The following NSD2 variants were observed in gnomAD, a reference collection of about 807,000 sequenced individuals.
NSD2 encodes the protein histone-lysine N-methyltransferase NSD2.
A neutral mutation model predicts 139.0 loss-of-function variants in NSD2; 12 were observed. That is an observed-to-expected ratio of 0.09 (90% CI 0.06 to 0.14). The LOEUF (loss-of-function observed/expected upper bound fraction) is 0.14, where lower values mean the gene tolerates loss of function less well. NSD2 is among the 10% of genes least tolerant of loss of function. The pLI, the probability that NSD2 is intolerant of heterozygous loss-of-function variation, is 1.00. For missense variants in NSD2, 1,155 were observed against 1,745.0 expected, an observed-to-expected ratio of 0.66 and a Z score of 6.02; for synonymous variants, 669 against 648.7, an observed-to-expected ratio of 1.03 and a Z score of -0.48.
Position 1,951,099 on chromosome 4 carries a change from T to G in NSD2, c.1909T>G (p.Ser637Ala), listed in dbSNP as rs781198289. 2.5e-6 allele frequency: 4 copies of G among 1,614,164 alleles called. No individual in the cohort carries two copies. The highest frequency in any genetic ancestry group is 3.4e-6 in the Non-Finnish European group (4 of 1,180,016). The stretch of plus-strand genomic sequence containing the variant: ...CTCGGACAGCCCGGGAGACGAGCCC[T>G]CGGAGTCCCCATACGAAAGTGCAGA... Reference protein sequence around the residue: ...EVSDSPGDEPSESPYESADET... With the variant: ...EVSDSPGDEPAESPYESADET... Residue 637 changes from serine to alanine, a missense_variant, in exon 10 of 22, where the codon TCG becomes GCG. Ser to Ala is a moderately conservative substitution (Grantham distance 99, BLOSUM62 1). Transcript: ENST00000508803.
At chr4:1,932,068 TC>T (rs976289847) in intron 6 of NSD2, among the ~76,000 whole-genome samples, 5 of 152,178 alleles carry the variant, frequency 3.3e-5, no homozygotes, top group Non-Finnish European at 5.9e-5. Flanking sequence ...ATCCTGACTT[TC>T]AGGTGACCCT....
rs563696275 is a variant in NSD2 at position 1,976,875 on chromosome 4, G to A, written c.3826+196G>A. ...GCCGCACATTCTAGATCTCTGCATC[G>A]AGCAGAGAAGATATGTGGTGACGGG... On this transcript the variant is annotated intron_variant, in intron 21 of 21. Coordinates refer to ENST00000508803, the MANE Select transcript of NSD2 (RefSeq NM_001042424.3). This position sits in a 1 kb window ranked among gnomAD's most constrained non-coding sequence, Gnocchi z 5.3. Among the ~76,000 whole-genome samples the A allele has an allele frequency of 6.6e-6, 1 of 152,366 alleles. No individual in the cohort carries two copies. Among genetic ancestry groups the A allele is most frequent in the Non-Finnish European group, 1.5e-5 (1 of 68,038 alleles).
In NSD2 at chr4:1,942,272, T is replaced by G. The variant is rs1461668086; in HGVS notation, c.1881+2494T>G. The G allele has an allele frequency of 1.3e-6, 2 of 1,593,900 alleles. No homozygotes were observed. Among genetic ancestry groups the G allele is most frequent in the African/African-American group, 2.7e-5 (2 of 73,832 alleles). On this transcript the variant is annotated intron_variant, in intron 9 of 21. Transcript: ENST00000508803. The surrounding 1 kb of genome is among the most constrained non-coding windows in gnomAD (Gnocchi z 4.0). ...AAGGAATTAATGTGATTTAAGTGTT[T>G]TGTAACTTCATTTTTTATTCCTTTA... is the stretch of plus-strand genomic sequence containing the variant.
At chr4:1,934,955 T>C (rs1343359243) in intron 6 of NSD2, among the ~76,000 whole-genome samples, 189 bp from the exon 7 acceptor site, 2 of 140,338 alleles carry the variant, frequency 1.4e-5, no homozygotes, top group South Asian at 2.3e-4. Flanking sequence ...AGGTTAGATA[T>C]AGTCACCAGT....
In NSD2 at chr4:1,871,970, C is replaced by A. The variant is rs1215502492; in HGVS notation, c.-30+428C>A. 4.0e-5 allele frequency among the ~76,000 whole-genome samples: 6 copies of A among 149,078 alleles called. No homozygotes were observed. In the East Asian group the frequency reaches 5.9e-4, roughly 15 times the overall value. On this transcript the variant is annotated intron_variant, in intron 1 of 21. Transcript: ENST00000508803. ...GCGGCCGCCTTTGTTCCCGCGGCGCCGAGCGGGTCGGGCCGGCCTTTGTGC... is the reference window on the plus strand; with the variant it reads ...GCGGCCGCCTTTGTTCCCGCGGCGCAGAGCGGGTCGGGCCGGCCTTTGTGC...
rs1038113796 is a variant in NSD2 at position 1,948,849 on chromosome 4, C to A, written c.1882-2223C>A. 24 of 989,910 alleles carry A rather than the reference C, an allele frequency of 2.4e-5. No homozygotes were observed. Among genetic ancestry groups the A allele is most frequent in the Non-Finnish European group, 2.6e-5 (21 of 823,004 alleles). The allele number at this position is 989,910 out of a possible 1,614,324, so 61.3% of individuals were successfully genotyped here. On this transcript the variant is annotated intron_variant, in intron 9 of 21. Transcript: ENST00000508803. This position sits in a 1 kb window ranked among gnomAD's most constrained non-coding sequence, Gnocchi z 4.5. ...GGACTGCTTTGTGTTTTCTGTCTTT[C>A]TCTCCATGCATTTTTTTTCTCATTT...
In NSD2 at chr4:1,951,078, G is replaced by T. The variant is rs1724174611; in HGVS notation, c.1888G>T (p.Asp630Tyr). The change falls in exon 10 of 22, where the codon GAC becomes TAC. Residue 630 changes from aspartate (D) to tyrosine (Y), a missense_variant. Around this residue, in one of 8 missense-constraint regions of NSD2, gnomAD observed 420 missense variants for 469.0 expected, o/e 0.90. Transcript: ENST00000508803. ...CCGCCTCCTTCATCTCTAGGTCTCGGACAGCCCGGGAGACGAGCCCTCGGA... is the reference window on the plus strand; with the variant it reads ...CCGCCTCCTTCATCTCTAGGTCTCGTACAGCCCGGGAGACGAGCCCTCGGA... ...SASLTENEVSDSPGDEPSESP... is the reference protein window; with the variant it reads ...SASLTENEVSYSPGDEPSESP... 2 of 1,613,998 alleles carry T rather than the reference G, an allele frequency of 1.2e-6. No individual in the cohort carries two copies. The highest frequency in any genetic ancestry group is 2.2e-5 in the South Asian group (2 of 91,086).
intron 18 of NSD2, among the ~76,000 whole-genome samples, chr4:1,966,323 G>A (rs573191011): frequency 6.0e-5 from 9 of 150,968 alleles, no homozygotes; most frequent in Admixed American, 4.0e-4. Flanking sequence ...TGTTGTAACC[G>A]TGGTTTATAA....
At chr4:1,882,435 C>T (rs1357682499) in intron 1 of NSD2, among the ~76,000 whole-genome samples, 3 of 152,108 alleles carry the variant, frequency 2.0e-5, no homozygotes, top group African/African-American at 4.8e-5. Context: ...GAGGCCGAGG[C>T]GGGTGGACAC....
Position 1,981,123 on chromosome 4 carries a change from A to C in NSD2, c.*2214A>C. 4.3e-6 allele frequency: 1 copy of C among 233,326 alleles called. No homozygotes were observed. The highest frequency in any genetic ancestry group is 6.0e-5 in the East Asian group (1 of 16,590). The allele number at this position is 233,326 out of a possible 1,614,324, so 14.5% of individuals were successfully genotyped here. On this transcript the variant is annotated 3_prime_UTR_variant, in exon 22 of 22. Transcript: ENST00000508803. ...ACAGTAGTGAAATCTTGTGATTTTT[A>C]ATCGCTTTGATAATACTTCCAAATT...
At chr4:1,937,679 C>T (rs940376826) in intron 7 of NSD2, among the ~76,000 whole-genome samples, 1 of 152,206 alleles carries the variant, frequency 6.6e-6, no homozygotes, top group Non-Finnish European at 1.5e-5. Context: ...GTCCATGATC[C>T]TCTGGATTCC....
At chr4:1,961,746 C>T (rs763045047) in intron 18 of NSD2, among the ~76,000 whole-genome samples, 2 of 152,194 alleles carry the variant, frequency 1.3e-5, no homozygotes, top group South Asian at 2.1e-4. Flanking sequence ...CAGGTGTTGC[C>T]GGGCCCTTCC....
At chr4:1,878,241 ATATATATATATTTTTTTTTTTTTTTTT>A (rs1339504615) in intron 1 of NSD2, among the ~76,000 whole-genome samples, 3 of 35,078 alleles carry the variant, frequency 8.6e-5, no homozygotes, top group African/African-American at 4.0e-4. Flanking sequence ...ATATATATAT[ATATATATATATTTTTTTTTTTTTTTTT>A]TTTTTTTTTT....
At chr4:1,872,467 C>A (rs1184273080) in intron 1 of NSD2, among the ~76,000 whole-genome samples, 1 of 152,124 alleles carries the variant, frequency 6.6e-6, no homozygotes, top group Non-Finnish European at 1.5e-5. Context: ...CAGCACGAAT[C>A]TTTCTGTGCC....
intron 6 of NSD2, among the ~76,000 whole-genome samples, chr4:1,933,630 G>A (rs906155195): frequency 2.0e-5 from 3 of 151,908 alleles, no homozygotes; most frequent in East Asian, 1.9e-4. Flanking sequence ...TCCTGACCTC[G>A]TGATCCACCC....
intron 1 of NSD2, among the ~76,000 whole-genome samples, chr4:1,896,438 A>G (rs894727584): frequency 6.6e-6 from 1 of 152,260 alleles, no homozygotes; most frequent in African/African-American, 2.4e-5. Flanking sequence ...GTGTGGTCAC[A>G]GCTCACTGCA....
chr4:1,956,192 C>A lies in NSD2; in HGVS notation c.2881+4C>A. On this transcript the variant is annotated splice_donor_region_variant and intron_variant, in intron 15 of 21. Coordinates refer to ENST00000508803, the MANE Select transcript of NSD2 (RefSeq NM_001042424.3). This position sits in a 1 kb window ranked among gnomAD's most constrained non-coding sequence, Gnocchi z 5.3. ...ATCGGAAGAGTCTTCAAAAACGGTA[C>A]GGAGATATTCAGATAGAGAGTGAGA... 1 of 1,589,060 alleles carries A rather than the reference C, an allele frequency of 6.3e-7. No homozygotes were observed. Among genetic ancestry groups the A allele is most frequent in the Middle Eastern group, 1.7e-4 (1 of 5,968 alleles).
In NSD2 at chr4:1,953,303, CCTT is replaced by C; in HGVS notation, c.2138-17_2138-15del. The C allele has an allele frequency of 1.9e-6, 3 of 1,614,196 alleles. No individual in the cohort carries two copies. Among genetic ancestry groups the C allele is most frequent in the Non-Finnish European group, 2.5e-6 (3 of 1,180,044 alleles). ...TGTTCTTTGCACCTCTCTCTCCACC[CCTT>C]CTTTAACTTTTTGTTAGGGATTCAC... On this transcript the variant is annotated intron_variant, in intron 11 of 21. Coordinates refer to ENST00000508803, the MANE Select transcript of NSD2 (RefSeq NM_001042424.3).
At chr4:1,883,849 C>T (rs1200266119) in intron 1 of NSD2, among the ~76,000 whole-genome samples, 6 of 152,182 alleles carry the variant, frequency 3.9e-5, no homozygotes, top group Admixed American at 3.3e-4. Context: ...GTGTGGCCCA[C>T]ATGGAGCTGC....
Sources: allele counts gnomAD v4.1 joint callset (sites outside exome capture counted in the v4.1 genomes callset), GRCh38; gene constraint gnomAD v4.1.1; regional missense constraint gnomAD v4.1.1; non-coding constraint Gnocchi (gnomAD v3.1); transcripts MANE v1.5; gene names NCBI Gene and HGNC (gene_info 2026-07-23, HGNC 2026-07-21).